ATR: variants seen among roughly 807,000 people sequenced by gnomAD.
The protein encoded by ATR is ATR checkpoint kinase, also known as serine/threonine-protein kinase ATR.
In ATR, 142 loss-of-function variants were observed where a neutral mutation model predicts 305.3. The ratio of observed to expected loss-of-function variants is 0.47; its 90% CI spans 0.41 to 0.53. The LOEUF is 0.53. Ranked by LOEUF, ATR falls within the 20% of genes least tolerant of loss-of-function variation. The pLI is 0.00. For missense variants in ATR, 2,135 were observed against 3,133.1 expected (o/e 0.68, Z 7.60); for synonymous variants, 1,050 against 1,068.1 (o/e 0.98, Z 0.33).
chr3:142,478,600 T>C (rs111788222), intron 36 of ATR, among the ~76,000 whole-genome samples: 7,702 of 152,274 alleles, frequency 0.051, 663 homozygotes, highest in African/African-American at 0.17. Context: ...TAGATGTCTA[T>C]TAGGTCTGCT....
chr3:142,517,331 A>C (rs1001041719), intron 24 of ATR, among the ~76,000 whole-genome samples: 1 of 134,374 alleles, frequency 7.4e-6, no homozygotes, highest in African/African-American at 3.1e-5. Flanking sequence ...TTTAGTGATT[A>C]TATATAAAGA....
At chr3:142,567,501 C>A (rs888804475) in intron 2 of ATR, among the ~76,000 whole-genome samples, 2 of 152,168 alleles carry the variant, frequency 1.3e-5, no homozygotes, top group Non-Finnish European at 2.9e-5. Context: ...AAATTATAAA[C>A]CCTGAGCCTA....
chr3:142,531,926 T>C (rs1215902010), intron 21 of ATR, among the ~76,000 whole-genome samples: 1 of 152,266 alleles, frequency 6.6e-6, no homozygotes, highest in African/African-American at 2.4e-5. Context: ...TGTTGTTTCC[T>C]GACTTTTTAA....
Position 142,550,134 on chromosome 3 carries a change from T to G in ATR, c.2974A>C (p.Thr992Pro). 6.2e-7 allele frequency: 1 copy of G among 1,614,080 alleles called. No individual in the cohort carries two copies. Among genetic ancestry groups the G allele is most frequent in the Non-Finnish European group, 8.5e-7 (1 of 1,179,978 alleles). ...FDFPDLNRFL[T>P]RTLQVLLPDL... ...GTGAACTATATGTTGCAACTTACAG[T>G]AAGAAAACGATTAAGATCAGGAAAG... The change falls in exon 14 of 47, where the codon ACT (threonine) becomes CCT (proline). Residue 992 changes from threonine (T) to proline (P), a missense_variant and splice_region_variant. This residue lies in a region of ATR where 530 missense variants were observed against 766.8 expected (regional missense o/e 0.69). Coordinates refer to ENST00000350721, the MANE Select transcript of ATR (RefSeq NM_001184.4).
chr3:142,505,300 A>G lies in ATR; in HGVS notation c.5035T>C (p.Leu1679=), dbSNP rs1200793598. The G allele has an allele frequency of 1.6e-5, 26 of 1,613,678 alleles. No homozygotes were observed. Among genetic ancestry groups the G allele is most frequent in the Non-Finnish European group, 2.1e-5 (25 of 1,179,826 alleles). Residue 1679 remains leucine (L), a synonymous_variant, in exon 29 of 47, where the codon TTG becomes CTG. Transcript: ENST00000350721. ...TCAGGTTCATGCATAGCAGCATACAATTTCTTTGTTCAATGATTAAAAAAC... is the reference window on the plus strand; with the variant it reads ...TCAGGTTCATGCATAGCAGCATACAGTTTCTTTGTTCAATGATTAAAAAAC... ...IQEHLGFLQK[L]YAAMHEPDGV... is the part of the protein sequence containing the mutation.
chr3:142,494,365 ACATAAAAAAAGTT>A (rs1347272444), intron 34 of ATR, among the ~76,000 whole-genome samples: 2 of 152,244 alleles, frequency 1.3e-5, no homozygotes, highest in Non-Finnish European at 2.9e-5. Context: ...AAAATCCCTG[ACATAAAAAAAGTT>A]CATAGTCACA....
In ATR at chr3:142,535,075, C is replaced by T. The variant is rs2108424165; in HGVS notation, c.3945+5G>A. 1 of 1,609,762 alleles carries T rather than the reference C, an allele frequency of 6.2e-7. No homozygotes were observed. The highest frequency in any genetic ancestry group is 8.5e-7 in the Non-Finnish European group (1 of 1,176,792). ...TACATTTTTAATTATATCATATTAG[C>T]ATACCTGATTTTTATACAAGGTTTC... On this transcript the variant is annotated splice_donor_5th_base_variant and intron_variant, in intron 21 of 46. Transcript: ENST00000350721.
rs149099846 is a variant in ATR, at chr3:142,464,995, T to C, written c.7041+102A>G. 1.3e-4 allele frequency: 95 copies of C among 710,026 alleles called. No individual in the cohort carries two copies. The East Asian group carries it at 3.5e-3, about 26-fold the overall frequency. The allele number at this position is 710,026 out of a possible 1,614,324, so 44.0% of individuals were successfully genotyped here. A position where few individuals can be genotyped will look rare whatever the true frequency, so the allele number is the denominator to read the frequency against. The stretch of plus-strand genomic sequence containing the variant: ...AATGCCTATATCAGATTGATAGTAA[T>C]TATAGCAACTCTGAAATAAAAGCAA... On this transcript the variant is annotated intron_variant, in intron 41 of 46. Coordinates refer to ENST00000350721, the MANE Select transcript of ATR (RefSeq NM_001184.4).
At chr3:142,466,010 CAAA>C (rs143485594) in intron 40 of ATR, among the ~76,000 whole-genome samples, 2 of 68,714 alleles carry the variant, frequency 2.9e-5, no homozygotes, top group Admixed American at 1.7e-4. Flanking sequence ...ACCCTGTTTC[CAAA>C]AAAAAAAAAA....
chr3:142,559,412 G>T lies in ATR; in HGVS notation c.1571C>A (p.Ser524Tyr), dbSNP rs2108480402. 3 of 1,613,780 alleles carry T rather than the reference G, an allele frequency of 1.9e-6. No homozygotes were observed. In the African/African-American group the frequency reaches 4.0e-5, roughly 22 times the overall value. Reference protein sequence around the residue: ...CRTFKDCQHKSKKKPSVVITW... With the variant: ...CRTFKDCQHKYKKKPSVVITW... ...TATCACTACAGAAGGTTTCTTCTTGGATTTATGTTGACAGTCCTTGAAAGT... is the reference window on the plus strand; with the variant it reads ...TATCACTACAGAAGGTTTCTTCTTGTATTTATGTTGACAGTCCTTGAAAGT... The change falls in exon 7 of 47, where the codon TCC becomes TAC. Residue 524 changes from serine to tyrosine, a missense_variant. Ser to Tyr is a moderately radical substitution (Grantham distance 144). Transcript: ENST00000350721.
intron 44 of ATR, among the ~76,000 whole-genome samples, chr3:142,458,178 C>T (rs528331427): frequency 6.6e-5 from 10 of 152,330 alleles, no homozygotes; most frequent in Admixed American, 5.9e-4. Flanking sequence ...GTCAGATGCT[C>T]ACATCCCCTC....
chr3:142,502,492 T>C (rs1282284200), intron 30 of ATR, among the ~76,000 whole-genome samples: 1 of 150,690 alleles, frequency 6.6e-6, no homozygotes, highest in Non-Finnish European at 1.5e-5. Flanking sequence ...GAGGCAAGAG[T>C]TGAAAAACTA....
chr3:142,558,669 C>T lies in ATR; in HGVS notation c.1840G>A (p.Ala614Thr), dbSNP rs1278516813. Residue 614 changes from alanine to threonine, a missense_variant, in exon 8 of 47, where the codon GCC becomes ACC. Physicochemically the swap from Ala to Thr is moderately conservative, Grantham distance 58. This residue lies in a region of ATR where 744 missense variants were observed against 873.2 expected (regional missense o/e 0.85). Coordinates refer to ENST00000350721, the MANE Select transcript of ATR (RefSeq NM_001184.4). ...DDGCLKLTTF[A>T]ANLLTLSCRI... is the part of the protein sequence containing the mutation. ...CAGCTTAATGTTAGAAGATTAGCGG[C>T]AAATGTGGTCAACTTTAAACAGCCA... 2 of 1,613,302 alleles carry T rather than the reference C, an allele frequency of 1.2e-6. No homozygotes were observed. Among genetic ancestry groups the T allele is most frequent in the Non-Finnish European group, 1.7e-6 (2 of 1,179,618 alleles).
At chr3:142,536,855 A>G (rs778309854) in intron 19 of ATR, among the ~76,000 whole-genome samples, 83 of 152,210 alleles carry the variant, frequency 5.5e-4, no homozygotes, top group Non-Finnish European at 8.2e-4. Context: ...AGACAGACAA[A>G]GACTACCTCA....
intron 16 of ATR, among the ~76,000 whole-genome samples, chr3:142,546,820 A>T (rs1354757460): frequency 6.6e-6 from 1 of 152,214 alleles, no homozygotes; most frequent in Non-Finnish European, 1.5e-5. Context: ...TTAATAGCCC[A>T]GAAGACTGTT....
At chr3:142,531,234 G>GTTTTA (rs71629539) in intron 21 of ATR, among the ~76,000 whole-genome samples, 2,430 of 151,458 alleles carry the variant, frequency 0.016, 20 homozygotes, top group Admixed American at 0.02. Flanking sequence ...GTCTCTAGCA[G>GTTTTA]TTTTATTTTA....
chr3:142,514,839 T>C lies in ATR; in HGVS notation c.4503+556A>G, dbSNP rs891917800. Among the ~76,000 whole-genome samples, 41 of 147,144 alleles carry C rather than the reference T, an allele frequency of 2.8e-4. 1 individual carries two copies. The highest frequency in any genetic ancestry group is 5.3e-4 in the Non-Finnish European group (35 of 66,622). On this transcript the variant is annotated intron_variant, in intron 25 of 46. Coordinates refer to ENST00000350721, the MANE Select transcript of ATR (RefSeq NM_001184.4). ...AAAAAAAAAAAAAAAGAAAGGTAAA[T>C]TAAAAACAAAAATTGTAAATTTTAA...
At position 142,451,616 on chromosome 3, in the gene ATR, G is replaced by C. The variant is rs1264571148; in HGVS notation, c.7761+1512C>G. ...AGTATGATGCCAAGGGTCTCACTCT[G>C]TTGCCCAGGCTGGAGTGCAGTGGTG... On this transcript the variant is annotated intron_variant, in intron 46 of 46. Coordinates refer to ENST00000350721, the MANE Select transcript of ATR (RefSeq NM_001184.4). 4 of 1,271,230 alleles carry C rather than the reference G, an allele frequency of 3.1e-6. No individual in the cohort carries two copies. The East Asian group carries it at 1.3e-4, about 43-fold the overall frequency. The allele number at this position is 1,271,230 out of a possible 1,614,324, so 78.7% of individuals were successfully genotyped here.
intron 35 of ATR, among the ~76,000 whole-genome samples, chr3:142,485,897 A>G (rs2030889839): frequency 6.6e-6 from 1 of 152,176 alleles, no homozygotes; most frequent in African/African-American, 2.4e-5. Flanking sequence ...CACTCCACTA[A>G]GGAGCTCCTT....
Sources: gnomAD v4.1 joint callset for allele counts (sites outside exome capture counted in the v4.1 genomes callset) on GRCh38, gnomAD v4.1.1 for gene constraint, gnomAD v4.1.1 regional missense constraint, MANE v1.5 for transcripts, NCBI Gene and HGNC (gene_info 2026-07-23, HGNC 2026-07-21) for gene names.